Variants in ASIC2 observed in about 807,000 individuals in gnomAD.
ASIC2 encodes the protein acid-sensing ion channel 2.
ASIC2 carries 25 observed loss-of-function variants against 57.3 expected under a neutral mutation model. The observed-to-expected ratio is 0.44, with a 90% CI of 0.32 to 0.61. The LOEUF is 0.61. Among genes scored for constraint, ASIC2 ranks in the 20% least tolerant of loss-of-function variants. The pLI is 0.06. For missense variants in ASIC2, 641 were observed against 738.1 expected, an observed-to-expected ratio of 0.87 and a Z score of 1.52; for synonymous variants, 319 against 307.5, an observed-to-expected ratio of 1.04 and a Z score of -0.39.
At chr17:33,838,531 A>G (rs189026669) in intron 1 of ASIC2, among the ~76,000 whole-genome samples, 1 of 151,592 alleles carries the variant, frequency 6.6e-6, no homozygotes, top group Non-Finnish European at 1.5e-5. Flanking sequence ...TGATGATGCA[A>G]TGGTGGTTGT....
intron 1 of ASIC2, among the ~76,000 whole-genome samples, chr17:33,174,857 G>A (rs1331027152): frequency 6.6e-6 from 1 of 152,184 alleles, no homozygotes; most frequent in Non-Finnish European, 1.5e-5. Flanking sequence ...TTAAGCCACT[G>A]AGATTTGGAG....
chr17:33,208,404 C>T (rs927251879), intron 1 of ASIC2, among the ~76,000 whole-genome samples: 4 of 152,180 alleles, frequency 2.6e-5, no homozygotes, highest in African/African-American at 7.2e-5. Flanking sequence ...ATCCCAGACT[C>T]GGTGCCGCAG....
At chr17:34,064,040 T>C (rs1182307764) in intron 1 of ASIC2, among the ~76,000 whole-genome samples, 3 of 152,110 alleles carry the variant, frequency 2.0e-5, no homozygotes, top group Admixed American at 6.6e-5. Context: ...AAAATTCATA[T>C]AGAACCAAAA....
At chr17:33,061,420 C>CA (rs1387881542) in intron 3 of ASIC2, among the ~76,000 whole-genome samples, 1 of 152,122 alleles carries the variant, frequency 6.6e-6, no homozygotes, top group African/African-American at 2.4e-5. Context: ...TTGAGATAAT[C>CA]ATGTGGTTTT....
intron 1 of ASIC2, among the ~76,000 whole-genome samples, chr17:33,248,969 T>C (rs1242375012): frequency 6.6e-6 from 1 of 152,058 alleles, no homozygotes; most frequent in Non-Finnish European, 1.5e-5. Flanking sequence ...GGAGAAAGGG[T>C]AGATGTAGAA....
chr17:33,801,751 T>C (rs1335858982), intron 1 of ASIC2, among the ~76,000 whole-genome samples: 1 of 152,212 alleles, frequency 6.6e-6, no homozygotes, highest in Non-Finnish European at 1.5e-5. Flanking sequence ...TGGTTAAATA[T>C]GACTGTTTGA....
intron 1 of ASIC2, among the ~76,000 whole-genome samples, chr17:33,895,995 G>A (rs931029540): frequency 1.8e-4 from 26 of 148,318 alleles, no homozygotes; most frequent in Non-Finnish European, 3.1e-4. Context: ...TAATTATGAC[G>A]ATTAAATGAG....
At chr17:33,104,317 G>C (rs2092226577) in intron 2 of ASIC2, among the ~76,000 whole-genome samples, 1 of 152,244 alleles carries the variant, frequency 6.6e-6, no homozygotes, top group Non-Finnish European at 1.5e-5. Flanking sequence ...CTTCCCTGCA[G>C]TTCTGGTGTG....
At chr17:33,472,888 G>A (rs1913101448) in intron 1 of ASIC2, among the ~76,000 whole-genome samples, 1 of 152,124 alleles carries the variant, frequency 6.6e-6, no homozygotes, top group Non-Finnish European at 1.5e-5. Flanking sequence ...TTCTAATCCT[G>A]GCCTCAAAAC....
chr17:33,749,523 A>G (rs920193294), intron 1 of ASIC2, among the ~76,000 whole-genome samples: 1 of 151,910 alleles, frequency 6.6e-6, no homozygotes, highest in Non-Finnish European at 1.5e-5. Context: ...GGAACTTCTT[A>G]GTGGTCCCAA....
intron 1 of ASIC2, among the ~76,000 whole-genome samples, chr17:33,675,976 C>T (rs954506740): frequency 2.0e-5 from 3 of 152,210 alleles, no homozygotes; most frequent in African/African-American, 7.2e-5. Flanking sequence ...CTATAGATGT[C>T]ATTTTTCCAA....
At chr17:33,633,084 C>T (rs185358511) in intron 1 of ASIC2, among the ~76,000 whole-genome samples, 139 of 152,286 alleles carry the variant, frequency 9.1e-4, no homozygotes, top group African/African-American at 3.3e-3. Flanking sequence ...TGAGTGAAGG[C>T]AACATGATTT....
In ASIC2 at chr17:34,073,999, G is replaced by A. The variant is rs113943317; in HGVS notation, c.555+81979C>T. On this transcript the variant is annotated intron_variant, in intron 1 of 9. Transcript: ENST00000359872. ...ACATGCAGCCAATATACGGCCTTCA[G>A]TTCCTTCTCTCCCCAGAAACCTCAT... 2.7e-3 allele frequency among the ~76,000 whole-genome samples: 413 copies of A among 152,292 alleles called. 4 individuals carry two copies. Among genetic ancestry groups the A allele is most frequent in the African/African-American group, 9.6e-3 (401 of 41,564 alleles).
chr17:33,061,104 C>G (rs2092018737), intron 3 of ASIC2, among the ~76,000 whole-genome samples: 1 of 152,204 alleles, frequency 6.6e-6, no homozygotes, highest in Non-Finnish European at 1.5e-5. Context: ...ATGTCATCTG[C>G]AAACAGGGAC....
chr17:33,023,656 G>A (rs193263308), intron 6 of ASIC2, among the ~76,000 whole-genome samples: 17 of 152,206 alleles, frequency 1.1e-4, no homozygotes, highest in Middle Eastern at 3.4e-3. Context: ...AAGACTGCAA[G>A]CTCCTTAAGG....
rs962943127 is a variant in ASIC2 at position 33,614,478 on chromosome 17, G to A, written c.556-502411C>T. Among the ~76,000 whole-genome samples the A allele has an allele frequency of 2.6e-5, 4 of 152,322 alleles. No individual in the cohort carries two copies. In the East Asian group the frequency reaches 7.7e-4, roughly 29 times the overall value. Reference sequence around the variant, plus strand: ...GATCTGTGAGTTCCTTGTCAACAAAGCAATTCAAATACAGGTCAAGAAAAT... The same window carrying A: ...GATCTGTGAGTTCCTTGTCAACAAAACAATTCAAATACAGGTCAAGAAAAT... On this transcript the variant is annotated intron_variant, in intron 1 of 9. Coordinates refer to the ASIC2 transcript ENST00000359872.
intron 3 of ASIC2, among the ~76,000 whole-genome samples, chr17:33,053,704 C>A (rs1249081910): frequency 6.6e-6 from 1 of 152,206 alleles, no homozygotes; most frequent in Non-Finnish European, 1.5e-5. Context: ...TCAGAAGACC[C>A]TCTCTGATGG....
At chr17:33,568,211 A>G (rs1042570916) in intron 1 of ASIC2, among the ~76,000 whole-genome samples, 19 of 152,148 alleles carry the variant, frequency 1.2e-4, no homozygotes, top group Non-Finnish European at 2.8e-4. Context: ...TTCCATTAGC[A>G]TACCTTGGTT....
At chr17:33,170,570 C>T (rs2142048294) in intron 1 of ASIC2, among the ~76,000 whole-genome samples, 2 of 152,312 alleles carry the variant, frequency 1.3e-5, no homozygotes, top group East Asian at 3.9e-4. Context: ...TTCATGTAGG[C>T]TTCACTGAGA....
Sources: gnomAD v4.1 joint callset for allele counts (sites outside exome capture counted in the v4.1 genomes callset) on GRCh38, gnomAD v4.1.1 for gene constraint, MANE v1.5 for transcripts, NCBI Gene and HGNC (gene_info 2026-07-23, HGNC 2026-07-21) for gene names.